ACOT12: variants seen among roughly 807,000 people sequenced by gnomAD.
The protein encoded by ACOT12 is acyl-CoA thioesterase 12.
Under a neutral mutation model 67.7 loss-of-function variants are expected in ACOT12, and 51 were observed. The observed-to-expected ratio is 0.75, with a 90% CI of 0.60 to 0.95. The LOEUF (loss-of-function observed/expected upper bound fraction) is 0.95, where lower values mean the gene tolerates loss of function less well. Among genes scored for constraint, ACOT12 ranks in the 40% least tolerant of loss-of-function variants. The pLI is 0.00. For synonymous variants in ACOT12, 251 were observed against 244.6 expected (o/e 1.03, Z -0.24); for missense variants, 734 against 708.1 (o/e 1.04, Z -0.41).
chr5:81,351,323 T>C (rs1055160300), intron 5 of ACOT12, among the ~76,000 whole-genome samples: 3 of 152,228 alleles, frequency 2.0e-5, no homozygotes, highest in Non-Finnish European at 4.4e-5. Flanking sequence ...TTGTTTAAAA[T>C]AAATTAATAC....
chr5:81,343,985 A>T (rs1292810298), intron 9 of ACOT12, 104 bp from the exon 10 acceptor site: 9 of 1,251,906 alleles, frequency 7.2e-6, no homozygotes, highest in Non-Finnish European at 9.1e-6. Context: ...CATGGATATC[A>T]GTGGAACAAC....
At chr5:81,361,247 C>G (rs1488055653) in intron 4 of ACOT12, among the ~76,000 whole-genome samples, 1 of 151,306 alleles carries the variant, frequency 6.6e-6, no homozygotes, top group African/African-American at 2.4e-5. Context: ...GGGTCTCACT[C>G]TGTTGCCCAG....
rs181491492 is a variant in ACOT12, at chr5:81,359,798, A to G, written c.496+105T>C. 9.3e-3 allele frequency: 11,722 copies of G among 1,266,924 alleles called. 69 individuals are homozygous for G. The highest frequency in any genetic ancestry group is 0.012 in the Non-Finnish European group (10,780 of 931,216). 78.5% of individuals were successfully genotyped at this position (1,266,924 alleles called of 1,614,324 possible). A position where few individuals can be genotyped will look rare whatever the true frequency, so the allele number is the denominator to read the frequency against. On this transcript the variant is annotated intron_variant, in intron 5 of 14. Transcript: ENST00000307624. ...GTTGGAAAGGATACCTAGTGTCACCAGGACTGAATGGTAATAATAAGGTGA... is the reference window on the plus strand; with the variant it reads ...GTTGGAAAGGATACCTAGTGTCACCGGGACTGAATGGTAATAATAAGGTGA...
intron 11 of ACOT12, among the ~76,000 whole-genome samples, chr5:81,338,479 T>C (rs138945012): frequency 1.5e-3 from 227 of 152,300 alleles, no homozygotes; most frequent in African/African-American, 5.0e-3. Context: ...GCCTGCTTCC[T>C]CTTCACCTTC....
At chr5:81,319,456 G>A in the ACOT12 span, among the ~76,000 whole-genome samples, 18 of 152,290 alleles carry the variant, frequency 1.2e-4, no homozygotes, top group Admixed American at 7.8e-4. Flanking sequence ...AGTGGCTCAC[G>A]CCCTTAATCC....
intron 11 of ACOT12, 63 bp downstream of exon 11, chr5:81,342,609 C>T: frequency 1.3e-6 from 2 of 1,535,130 alleles, no homozygotes; most frequent in Admixed American, 3.4e-5. Context: ...AGTAGAACCA[C>T]CACCACCACA....
At chr5:81,319,727 A>AG in the ACOT12 span, among the ~76,000 whole-genome samples, 1 of 151,932 alleles carries the variant, frequency 6.6e-6, no homozygotes, top group Non-Finnish European at 1.5e-5. Context: ...AAAAAAAAAA[A>AG]AAAGAAACCC....
At chr5:81,337,016 G>T (rs1421404228) in intron 11 of ACOT12, among the ~76,000 whole-genome samples, 1 of 152,214 alleles carries the variant, frequency 6.6e-6, no homozygotes, top group African/African-American at 2.4e-5. Flanking sequence ...GAGGCTGTGA[G>T]CACTTATCAA....
At chr5:81,311,164 C>A in the ACOT12 span, 1 of 1,603,316 alleles carries the variant, frequency 6.2e-7, no homozygotes, top group African/African-American at 1.3e-5. Flanking sequence ...TGTTAAAAAC[C>A]CCTTGCAAGT....
At chr5:81,386,995 A>ATTTTTTTTTTTTTTTTTTTTT (rs869281800) in intron 1 of ACOT12, among the ~76,000 whole-genome samples, 12 of 81,334 alleles carry the variant, frequency 1.5e-4, no homozygotes, top group Non-Finnish European at 1.9e-4. Context: ...GATGAGTTCC[A>ATTTTTTTTTTTTTTTTTTTTT]TTTTTTTTTT....
At chr5:81,380,563 G>GAAAA (rs1400854438) in intron 2 of ACOT12, among the ~76,000 whole-genome samples, 9 of 24,888 alleles carry the variant, frequency 3.6e-4, no homozygotes, top group East Asian at 1.1e-3. Flanking sequence ...GACTGTCTTA[G>GAAAA]AAAAAAAAAA....
At chr5:81,362,016 A>G (rs1759924730) in intron 4 of ACOT12, among the ~76,000 whole-genome samples, 1 of 152,196 alleles carries the variant, frequency 6.6e-6, no homozygotes, top group Non-Finnish European at 1.5e-5. Flanking sequence ...AGCAACTAGG[A>G]AATAAGTTAG....
At chr5:81,365,259 A>G (rs1760045020) in intron 3 of ACOT12, among the ~76,000 whole-genome samples, 1 of 152,238 alleles carries the variant, frequency 6.6e-6, no homozygotes, top group African/African-American at 2.4e-5. Flanking sequence ...CCGTATCTGT[A>G]TCTTTACTGT....
At chr5:81,317,743 G>C in the ACOT12 span, among the ~76,000 whole-genome samples, 5 of 152,086 alleles carry the variant, frequency 3.3e-5, no homozygotes, top group Admixed American at 6.6e-5. Context: ...CCCGATGATT[G>C]AATCACTTCC....
chr5:81,385,488 G>C (rs899226389), intron 2 of ACOT12, among the ~76,000 whole-genome samples: 1 of 152,052 alleles, frequency 6.6e-6, no homozygotes, highest in Non-Finnish European at 1.5e-5. Flanking sequence ...TAGAAAGTCT[G>C]TTTGGCTGTT....
chr5:81,361,915 G>A (rs183421122), intron 4 of ACOT12, among the ~76,000 whole-genome samples: 25 of 152,290 alleles, frequency 1.6e-4, no homozygotes, highest in African/African-American at 5.5e-4. Context: ...TAAACTCACT[G>A]TGAACAGAAA....
At chr5:81,346,077 T>G in intron 6 of ACOT12, 73 bp from the exon 7 acceptor site, 2 of 1,579,132 alleles carry the variant, frequency 1.3e-6, no homozygotes, top group Non-Finnish European at 8.6e-7. Context: ...CACAGACAAG[T>G]CTTCAAATAA....
chr5:81,347,717 T>C, intron 6 of ACOT12, 57 bp downstream of exon 6: 1 of 1,579,060 alleles, frequency 6.3e-7, no homozygotes, highest in Non-Finnish European at 8.6e-7. Context: ...TCTCAGTCCC[T>C]TTCTACTTTC....
intron 4 of ACOT12, 134 bp from the exon 5 acceptor site, chr5:81,360,172 A>G: frequency 2.4e-6 from 2 of 839,704 alleles, no homozygotes; most frequent in Non-Finnish European, 3.5e-6. Context: ...TGTTTTCACT[A>G]AACATGTTAT....
Sources: gnomAD v4.1 joint callset for allele counts (sites outside exome capture counted in the v4.1 genomes callset) on GRCh38, gnomAD v4.1.1 for gene constraint, MANE v1.5 for transcripts, NCBI Gene and HGNC (gene_info 2026-07-23, HGNC 2026-07-21) for gene names.